The following NF1 variants were observed in gnomAD, a reference collection of about 807,000 sequenced individuals.
NF1 encodes neurofibromin.
NF1 carries 122 observed loss-of-function variants against 325.7 expected under a neutral mutation model. The observed-to-expected ratio is 0.37, with a 90% CI of 0.32 to 0.44. The LOEUF (loss-of-function observed/expected upper bound fraction) is 0.44, where lower values mean the gene tolerates loss of function less well. Among genes scored for constraint, NF1 ranks in the 20% least tolerant of loss-of-function variants. NF1 has a pLI of 1.00. For synonymous variants in NF1, 1,091 were observed against 1,186.0 expected (o/e 0.92, Z 1.65); for missense variants, 2,140 against 3,415.4 (o/e 0.63, Z 9.31).
intron 3 of NF1, among the ~76,000 whole-genome samples, chr17:31,159,395 C>T (rs1421180849): frequency 6.6e-6 from 1 of 152,134 alleles, no homozygotes; most frequent in African/African-American, 2.4e-5. Context: ...TTTGATTTAA[C>T]GGATCTCTCA....
chr17:31,368,744 A>G (rs1346080114), intron 57 of NF1, among the ~76,000 whole-genome samples: 3 of 152,190 alleles, frequency 2.0e-5, no homozygotes, highest in African/African-American at 4.8e-5. Flanking sequence ...AATTCTTCAC[A>G]TAGATTATTT....
In NF1 at chr17:31,340,624, T is replaced by C. The variant is rs746322836; in HGVS notation, c.7041T>C (p.Ser2347=). Residue 2347 remains serine, a synonymous_variant, in exon 47 of 58, where the codon AGT becomes AGC. Transcript: ENST00000358273. ...LLEQNLHTLD[S]LRIFNDKSPE... ...AACAAAACCTGCATACTTTAGATAG[T>C]CTCCGTATATTCAATGACAAGGTAA... The C allele has an allele frequency of 6.2e-7, 1 of 1,614,082 alleles. No individual in the cohort carries two copies. Among genetic ancestry groups the C allele is most frequent in the Non-Finnish European group, 8.5e-7 (1 of 1,179,990 alleles).
chr17:31,148,174 C>G (rs1916704018), intron 1 of NF1, among the ~76,000 whole-genome samples: 1 of 152,010 alleles, frequency 6.6e-6, no homozygotes, highest in South Asian at 2.1e-4. Context: ...GTGGTGGGAG[C>G]TATTGTTTTG....
At chr17:31,329,067 G>C (rs940819034) in intron 38 of NF1, among the ~76,000 whole-genome samples, 1 of 152,202 alleles carries the variant, frequency 6.6e-6, no homozygotes, top group Non-Finnish European at 1.5e-5. Flanking sequence ...AGGCTGAGGC[G>C]GGAGGACAGC....
At chr17:31,206,414 G>T (rs1245688340) in intron 12 of NF1, 43 bp downstream of exon 12, 1 of 1,611,464 alleles carries the variant, frequency 6.2e-7, no homozygotes, top group Non-Finnish European at 8.5e-7. Flanking sequence ...CCTTTCTATT[G>T]CATTTTTTTT....
chr17:31,291,483 A>G (rs1307605345), intron 36 of NF1, among the ~76,000 whole-genome samples: 3 of 152,208 alleles, frequency 2.0e-5, no homozygotes, highest in Non-Finnish European at 4.4e-5. Context: ...ATTGTTAAAA[A>G]AGATTGGCAA....
chr17:31,151,930 T>A (rs536077013), intron 1 of NF1, among the ~76,000 whole-genome samples: 1 of 152,116 alleles, frequency 6.6e-6, no homozygotes, highest in Admixed American at 6.6e-5. Flanking sequence ...ATGTGCACAA[T>A]GTGCAGGTTT....
chr17:31,364,435 C>G (rs1019085958), intron 57 of NF1, among the ~76,000 whole-genome samples: 1 of 152,202 alleles, frequency 6.6e-6, no homozygotes, highest in Admixed American at 6.5e-5. Flanking sequence ...GCAGGATCAG[C>G]TACTGAGCTG....
rs1314473858 is a variant in NF1 at position 31,135,755 on chromosome 17, T to G, written c.61-20228T>G. Reference sequence around the variant, plus strand: ...ATAATTAAAAAACATTTTTTTTTTTTGTAGGGACAGCATCTTACTGTGTTT... The same window carrying G: ...ATAATTAAAAAACATTTTTTTTTTTGGTAGGGACAGCATCTTACTGTGTTT... On this transcript the variant is annotated intron_variant, in intron 1 of 57. Coordinates refer to ENST00000358273, the MANE Select transcript of NF1 (RefSeq NM_001042492.3). 4.0e-5 allele frequency among the ~76,000 whole-genome samples: 6 copies of G among 151,890 alleles called. No individual in the cohort carries two copies. The East Asian group carries it at 1.2e-3, about 29-fold the overall frequency.
intron 40 of NF1, among the ~76,000 whole-genome samples, chr17:31,335,274 T>TTATATACATATATATA (rs1325370174): frequency 0.011 from 75 of 6,682 alleles, 1 homozygote; most frequent in East Asian, 0.016. Context: ...CAAGGCATAA[T>TTATATACATATATATA]TATATATATA....
chr17:31,253,730 C>T (rs55711260), intron 31 of NF1: 6,906 of 152,176 alleles, frequency 0.045, 211 homozygotes, highest in Non-Finnish European at 0.074. Context: ...TTATGAGAGT[C>T]GTAATTATTT....
intron 1 of NF1, among the ~76,000 whole-genome samples, chr17:31,141,670 C>A (rs1916228262): frequency 6.6e-6 from 1 of 152,128 alleles, no homozygotes; most frequent in African/African-American, 2.4e-5. Context: ...TTTATTATCC[C>A]ACAGTTTCTA....
intron 36 of NF1, among the ~76,000 whole-genome samples, chr17:31,293,191 A>C (rs2068382861): frequency 8.9e-6 from 1 of 112,106 alleles, no homozygotes; most frequent in African/African-American, 7.4e-5. Context: ...AAAAAAAAAA[A>C]AAAAAAAAAA....
chr17:31,329,616 C>T (rs543489928), intron 38 of NF1, among the ~76,000 whole-genome samples: 1 of 152,220 alleles, frequency 6.6e-6, no homozygotes, highest in Admixed American at 6.5e-5. Flanking sequence ...TATTTTCAGA[C>T]ATTTGTAAGT....
intron 37 of NF1, 110 bp downstream of exon 37, chr17:31,326,362 C>T (rs1317668125): frequency 1.8e-5 from 20 of 1,117,756 alleles, no homozygotes; most frequent in Middle Eastern, 2.2e-4. Flanking sequence ...TAAAATGTCA[C>T]GTAAGGCTGT....
rs886052798 is a variant in NF1, at chr17:31,221,857, T to A, written c.1649T>A (p.Leu550Gln). 6.2e-7 allele frequency: 1 copy of A among 1,605,090 alleles called. No individual in the cohort carries two copies. Among genetic ancestry groups the A allele is most frequent in the Non-Finnish European group, 8.5e-7 (1 of 1,178,336 alleles). ...EIAQEAMEAL[L>Q]VLHQLDSIDL... ...CTTTTTTAAAAAATTCAGGCTCTGCTGGTTCTTCATCAGTTAGATAGCATT... is the reference window on the plus strand; with the variant it reads ...CTTTTTTAAAAAATTCAGGCTCTGCAGGTTCTTCATCAGTTAGATAGCATT... Residue 550 changes from leucine (L) to glutamine (Q), a missense_variant, in exon 15 of 58, where the codon CTG becomes CAG. Leu to Gln is a moderately radical substitution (Grantham distance 113). This residue lies in a region of NF1 where 179 missense variants were observed against 381.0 expected (regional missense o/e 0.47). Transcript: ENST00000358273.
At chr17:31,372,742 G>T (rs1254699851) in intron 57 of NF1, among the ~76,000 whole-genome samples, 4 of 152,170 alleles carry the variant, frequency 2.6e-5, no homozygotes, top group Non-Finnish European at 5.9e-5. Context: ...GGGGTGGGGT[G>T]CAGTGGCTCA....
intron 36 of NF1, among the ~76,000 whole-genome samples, chr17:31,308,774 ATCAG>A (rs570258520): frequency 1.6e-3 from 251 of 152,250 alleles, no homozygotes; most frequent in Admixed American, 2.9e-3. Context: ...GCCCAAACAG[ATCAG>A]TCATTTACTG....
At chr17:31,246,414 C>T (rs1901227879) in intron 29 of NF1, among the ~76,000 whole-genome samples, 1 of 152,224 alleles carries the variant, frequency 6.6e-6, no homozygotes, top group Admixed American at 6.5e-5. Context: ...AAGGAATCTA[C>T]AGCAATGACG....
Sources: allele counts gnomAD v4.1 joint callset (sites outside exome capture counted in the v4.1 genomes callset), GRCh38; gene constraint gnomAD v4.1.1; regional missense constraint gnomAD v4.1.1; transcripts MANE v1.5; gene names NCBI Gene and HGNC (gene_info 2026-07-23, HGNC 2026-07-21).